The following OPRM1 variants were observed in gnomAD, a reference collection of about 807,000 sequenced individuals.
OPRM1 encodes the protein mu-type opioid receptor.
In OPRM1, 27 loss-of-function variants were observed where a neutral mutation model predicts 31.8. That is an observed-to-expected ratio of 0.85 (90% CI 0.63 to 1.17). The LOEUF is 1.17. Among genes scored for constraint, OPRM1 ranks in the 50% most tolerant of loss-of-function variants. OPRM1 has a pLI of 0.00. For synonymous variants in OPRM1, 196 were observed against 189.9 expected (o/e 1.03, Z -0.26); for missense variants, 536 against 511.1 (o/e 1.05, Z -0.47).
chr6:154,199,720 A>G lies in OPRM1; in HGVS notation c.1165-46973A>G, dbSNP rs1383087979. ...GCTTATCTGGGACAGTAAGATGGTCATGATTGCTACTCAATGAAGAAGTAT... is the reference window on the plus strand; with the variant it reads ...GCTTATCTGGGACAGTAAGATGGTCGTGATTGCTACTCAATGAAGAAGTAT... On this transcript the variant is annotated intron_variant, in intron 3 of 3. Coordinates refer to the OPRM1 transcript ENST00000337049. The G allele has an allele frequency of 6.8e-6, 11 of 1,614,002 alleles. No individual in the cohort carries two copies. In the Admixed American group the frequency reaches 1.7e-4, roughly 24 times the overall value.
rs144442428 is a variant in OPRM1 at position 154,140,467 on chromosome 6, A to G, written c.1164+48995A>G. 9.2e-4 allele frequency among the ~76,000 whole-genome samples: 140 copies of G among 152,166 alleles called. 1 individual carries two copies. In the East Asian group the frequency reaches 0.022, roughly 24 times the overall value. ...TGCCTCAGCCTCCTGAGTAGGTGGC[A>G]TTACAGGCGTGTGCCACCACACCAG... is the stretch of plus-strand genomic sequence containing the variant. On this transcript the variant is annotated intron_variant, in intron 3 of 3. Coordinates refer to the OPRM1 transcript ENST00000337049.
At chr6:154,104,536 T>G (rs1795312526) in intron 3 of OPRM1, among the ~76,000 whole-genome samples, 1 of 152,176 alleles carries the variant, frequency 6.6e-6, no homozygotes, top group South Asian at 2.1e-4. Context: ...CATCACTGGT[T>G]GGTTTACAGG....
chr6:154,102,571 G>A (rs1209884681), intron 3 of OPRM1, among the ~76,000 whole-genome samples: 5 of 152,056 alleles, frequency 3.3e-5, no homozygotes, highest in East Asian at 1.9e-4. Context: ...CAACCTTGGC[G>A]CTAGTGACAT....
At chr6:154,215,941 A>G (rs1272172996) in intron 3 of OPRM1, among the ~76,000 whole-genome samples, 1 of 152,242 alleles carries the variant, frequency 6.6e-6, no homozygotes, top group Non-Finnish European at 1.5e-5. Context: ...TCACCACTGG[A>G]TTGGAAAAAA....
Position 154,070,717 on chromosome 6 carries a change from A to C in OPRM1, c.291-19109A>C, listed in dbSNP as rs553876645. ...CTCAGATTTATATATCCTAATTCCA[A>C]ACCCAATATTCTTACTACTAGAATA... On this transcript the variant is annotated intron_variant, in intron 1 of 3. Transcript: ENST00000330432. Among the ~76,000 whole-genome samples the C allele has an allele frequency of 9.8e-5, 15 of 152,346 alleles. No homozygotes were observed. The South Asian group carries it at 2.9e-3, about 29-fold the overall frequency.
Position 154,065,048 on chromosome 6 carries a change from G to A in OPRM1, c.291-24778G>A, listed in dbSNP as rs116665999. On this transcript the variant is annotated intron_variant, in intron 1 of 3. Transcript: ENST00000330432. ...AAAACTTCATTGAGATTTTGGTAAA[G>A]ATTGCATTGAATCTGAAGATGACAT... is the stretch of plus-strand genomic sequence containing the variant. Among the ~76,000 whole-genome samples the A allele has an allele frequency of 3.6e-3, 545 of 152,068 alleles. 3 individuals are homozygous for A. The highest frequency in any genetic ancestry group is 0.012 in the African/African-American group (510 of 41,526).
At chr6:154,205,281 T>C (rs552742189) in intron 3 of OPRM1, among the ~76,000 whole-genome samples, 1 of 152,328 alleles carries the variant, frequency 6.6e-6, no homozygotes, top group African/African-American at 2.4e-5. Context: ...CCCTGTATTT[T>C]TTTTTAATAA....
rs544273875 is a variant in OPRM1 at position 154,127,288 on chromosome 6, C to T, written c.*8567C>T. On this transcript the variant is annotated 3_prime_UTR_variant, in exon 4 of 4. Transcript: ENST00000330432. ...AGTGGCCATTATCATCTAAGGATTC[C>T]GCCAGAGACTTCCAAAAGAAGAGGT... 1.6e-4 allele frequency among the ~76,000 whole-genome samples: 25 copies of T among 152,120 alleles called. No homozygotes were observed. The highest frequency in any genetic ancestry group is 2.1e-4 in the South Asian group (1 of 4,810).
At chr6:154,201,970 T>C (rs1455402534) in intron 3 of OPRM1, among the ~76,000 whole-genome samples, 1 of 152,166 alleles carries the variant, frequency 6.6e-6, no homozygotes, top group Admixed American at 6.5e-5. Flanking sequence ...AAGAGCAAAC[T>C]AGGATCTTCT....
intron 3 of OPRM1, among the ~76,000 whole-genome samples, chr6:154,150,755 C>T (rs1420876177): frequency 6.6e-6 from 1 of 152,240 alleles, no homozygotes; most frequent in Non-Finnish European, 1.5e-5. Flanking sequence ...TGAAGACTGG[C>T]CAAGGCCAAG....
intron 3 of OPRM1, among the ~76,000 whole-genome samples, chr6:154,241,193 G>A (rs1408511332): frequency 2.8e-5 from 4 of 141,914 alleles, no homozygotes; most frequent in Non-Finnish European, 6.0e-5. Flanking sequence ...CCGAGATCGC[G>A]CCACTGCACT....
At chr6:154,020,323 G>T (rs552841038) in intron 1 of OPRM1, among the ~76,000 whole-genome samples, 1 of 152,236 alleles carries the variant, frequency 6.6e-6, no homozygotes, top group African/African-American at 2.4e-5. Flanking sequence ...TTAAGAAATT[G>T]TCAAACTGTT....
intron 3 of OPRM1, among the ~76,000 whole-genome samples, chr6:154,245,816 G>A (rs1053702796): frequency 2.6e-5 from 4 of 152,118 alleles, no homozygotes; most frequent in African/African-American, 9.7e-5. Context: ...CTCCTCATTC[G>A]ACATTCAACA....
rs114136707 is a variant in OPRM1, at chr6:154,018,698, C to T, written c.-1+7680C>T. On this transcript the variant is annotated intron_variant, in intron 1 of 5. Coordinates refer to the OPRM1 transcript ENST00000434900. ...ACAGGTTCGGGAATGAAGACTCAAC[C>T]CCTGAGAATACTACTATCCCCTGAC... 7.1e-3 allele frequency among the ~76,000 whole-genome samples: 1,081 copies of T among 152,160 alleles called. 15 individuals are homozygous for T. Among genetic ancestry groups the T allele is most frequent in the African/African-American group, 0.025 (1,030 of 41,506 alleles).
intron 3 of OPRM1, among the ~76,000 whole-genome samples, chr6:154,231,912 TGGTGACA>T (rs1779755181): frequency 6.6e-6 from 1 of 152,224 alleles, no homozygotes; most frequent in African/African-American, 2.4e-5. Flanking sequence ...AATGTAAACA[TGGTGACA>T]TAGCCCCACA....
intron 1 of OPRM1, among the ~76,000 whole-genome samples, chr6:154,084,332 T>C (rs959880578): frequency 6.6e-6 from 1 of 152,198 alleles, no homozygotes; most frequent in African/African-American, 2.4e-5. Flanking sequence ...ATATATAGTC[T>C]TTCTCCATGT....
At chr6:154,149,635 T>TAGAG (rs57957225) in intron 3 of OPRM1, among the ~76,000 whole-genome samples, 1,840 of 148,206 alleles carry the variant, frequency 0.012, 20 homozygotes, top group African/African-American at 0.027. Context: ...CGTGTGTGTG[T>TAGAG]AGAGAGAGAG....
chr6:154,110,812 G>A (rs1318846573), intron 3 of OPRM1, among the ~76,000 whole-genome samples: 5 of 150,356 alleles, frequency 3.3e-5, no homozygotes, highest in African/African-American at 7.4e-5. Flanking sequence ...GCGTGAACCC[G>A]TGAGGCGGAG....
chr6:154,089,626 G>T (rs1317785395), intron 1 of OPRM1, 200 bp from the exon 2 acceptor site: 3 of 553,934 alleles, frequency 5.4e-6, no homozygotes, highest in Non-Finnish European at 9.5e-6. Context: ...AAGCAGCATC[G>T]TTGCTATTAT....
Sources: gnomAD v4.1 joint callset for allele counts (sites outside exome capture counted in the v4.1 genomes callset) on GRCh38, gnomAD v4.1.1 for gene constraint, MANE v1.5 for transcripts, NCBI Gene and HGNC (gene_info 2026-07-23, HGNC 2026-07-21) for gene names.